LRPPRC: variants seen among roughly 807,000 people sequenced by gnomAD.
LRPPRC encodes leucine rich pentatricopeptide repeat containing.
A neutral mutation model predicts 180.3 loss-of-function variants in LRPPRC; 120 were observed. That is an observed-to-expected ratio of 0.67 (90% CI 0.57 to 0.77). The LOEUF (loss-of-function observed/expected upper bound fraction) is 0.77, where lower values mean the gene tolerates loss of function less well. Among genes scored for constraint, LRPPRC ranks in the 30% least tolerant of loss-of-function variants. The pLI is 0.00. For missense variants in LRPPRC, 2,012 were observed against 1,657.2 expected (o/e 1.21, Z -3.72); for synonymous variants, 723 against 600.0 (o/e 1.21, Z -3.00).
At chr2:43,944,317 G>C (rs1381376523) in intron 22 of LRPPRC, among the ~76,000 whole-genome samples, 1 of 152,034 alleles carries the variant, frequency 6.6e-6, no homozygotes, top group Non-Finnish European at 1.5e-5. Context: ...GTCTGATACC[G>C]ATAGGGCCTG....
chr2:43,984,813 C>A (rs1361061223), intron 1 of LRPPRC, among the ~76,000 whole-genome samples: 1 of 152,092 alleles, frequency 6.6e-6, no homozygotes, highest in Non-Finnish European at 1.5e-5. Flanking sequence ...ATTGATATAA[C>A]CACATAAGGG....
chr2:43,967,392 G>A (rs548588227), intron 11 of LRPPRC, among the ~76,000 whole-genome samples: 7 of 76,676 alleles, frequency 9.1e-5, no homozygotes, highest in African/African-American at 3.3e-4. Context: ...ATAGATGATC[G>A]ATTGATAGAA....
At chr2:43,928,053 AT>A (rs576577244) in intron 25 of LRPPRC, among the ~76,000 whole-genome samples, 1 of 152,218 alleles carries the variant, frequency 6.6e-6, no homozygotes, top group Non-Finnish European at 1.5e-5. Context: ...TTAAACTCAT[AT>A]TTAGTTCTTT....
chr2:43,889,937 C>T, intron 36 of LRPPRC, 61 bp from the exon 37 acceptor site: 1 of 1,239,722 alleles, frequency 8.1e-7, no homozygotes. Context: ...ACTCTTTTCA[C>T]CAAAACAGCC....
intron 30 of LRPPRC, among the ~76,000 whole-genome samples, chr2:43,908,504 A>ATT (rs1671139617): frequency 1.3e-5 from 2 of 152,140 alleles, no homozygotes; most frequent in Non-Finnish European, 2.9e-5. Context: ...CAAAATAAAA[A>ATT]TGATATTTTT....
intron 1 of LRPPRC, among the ~76,000 whole-genome samples, chr2:43,991,518 C>T (rs1674780713): frequency 6.6e-6 from 1 of 152,164 alleles, no homozygotes; most frequent in Non-Finnish European, 1.5e-5. Flanking sequence ...CTTATCTTTC[C>T]TCTGAAGTAT....
intron 27 of LRPPRC, among the ~76,000 whole-genome samples, chr2:43,924,257 G>T (rs369511761): frequency 2.6e-5 from 4 of 152,134 alleles, no homozygotes; most frequent in African/African-American, 9.7e-5. Context: ...TGTTCTAAGT[G>T]TTATTCCTCT....
intron 23 of LRPPRC, among the ~76,000 whole-genome samples, chr2:43,942,354 T>C (rs137905076): frequency 4.3e-4 from 66 of 152,262 alleles, no homozygotes; most frequent in African/African-American, 1.6e-3. Context: ...AAAATTCTAA[T>C]AGGAAGCATA....
intron 31 of LRPPRC, chr2:43,902,400 C>G (rs1314078211): frequency 1.3e-5 from 2 of 152,104 alleles, no homozygotes; most frequent in African/African-American, 4.8e-5. Context: ...AACTTAATAG[C>G]TTTATAGCAA....
chr2:43,990,938 C>G (rs867230669), intron 1 of LRPPRC, among the ~76,000 whole-genome samples: 18 of 151,932 alleles, frequency 1.2e-4, no homozygotes, highest in Middle Eastern at 3.4e-3. Flanking sequence ...CTCCACCTCC[C>G]GGGTTCAAGC....
At position 43,948,112 on chromosome 2, in the gene LRPPRC, TCA is replaced by T; in HGVS notation, c.1920+8_1920+9del. On this transcript the variant is annotated splice_region_variant and intron_variant, in intron 18 of 37. Coordinates refer to ENST00000260665, the MANE Select transcript of LRPPRC (RefSeq NM_133259.4). ...GCATTTTATCCAGTTGATTGCTATT[TCA>T]CACACACCTTAATCAATTCAGGAAC... 4 of 1,535,906 alleles carry T rather than the reference TCA, an allele frequency of 2.6e-6. No individual in the cohort carries two copies. Among genetic ancestry groups the T allele is most frequent in the Non-Finnish European group, 3.6e-6 (4 of 1,109,550 alleles).
intron 1 of LRPPRC, among the ~76,000 whole-genome samples, chr2:43,988,392 C>T (rs931952381): frequency 2.6e-5 from 4 of 152,086 alleles, no homozygotes; most frequent in Non-Finnish European, 5.9e-5. Context: ...CAAACTTAGC[C>T]AGGCATGGTG....
At chr2:43,951,777 G>A (rs2103628809) in intron 14 of LRPPRC, among the ~76,000 whole-genome samples, 2 of 152,328 alleles carry the variant, frequency 1.3e-5, no homozygotes, top group East Asian at 3.9e-4. Flanking sequence ...ACCATGTCCA[G>A]TCTAAATTTT....
At chr2:43,979,992 T>C in intron 2 of LRPPRC, 44 bp from the exon 3 acceptor site, 1 of 1,585,616 alleles carries the variant, frequency 6.3e-7, no homozygotes, top group Non-Finnish European at 8.7e-7. Context: ...ATAGCAGCAA[T>C]ATCACATAGA....
intron 25 of LRPPRC, among the ~76,000 whole-genome samples, chr2:43,928,153 G>A (rs1227459247): frequency 2.0e-5 from 3 of 152,174 alleles, no homozygotes; most frequent in Non-Finnish European, 4.4e-5. Context: ...TTCCACCTGA[G>A]CTACTGTGCT....
At chr2:43,908,459 A>C (rs770753551) in intron 30 of LRPPRC, among the ~76,000 whole-genome samples, 9 of 152,230 alleles carry the variant, frequency 5.9e-5, no homozygotes, top group Non-Finnish European at 1.2e-4. Flanking sequence ...ATTAGAGGTC[A>C]AGTGTATCTG....
intron 23 of LRPPRC, among the ~76,000 whole-genome samples, chr2:43,938,644 T>A (rs919480538): frequency 6.6e-6 from 1 of 152,210 alleles, no homozygotes; most frequent in Non-Finnish European, 1.5e-5. Flanking sequence ...TACCACTCAT[T>A]TGAGTCCTCA....
Position 43,899,589 on chromosome 2 carries a change from C to T in LRPPRC, c.3586G>A (p.Ala1196Thr), listed in dbSNP as rs142097048. The T allele has an allele frequency of 1.1e-4, 182 of 1,609,364 alleles. No homozygotes were observed. Among genetic ancestry groups the T allele is most frequent in the South Asian group, 3.7e-4 (34 of 90,930 alleles). The stretch of plus-strand genomic sequence containing the variant: ...AGCATATTTTCAATGTTTTCTATTG[C>T]GGCATCTATGTTATTACTGTTAAAA... The part of the protein sequence containing the change: ...AQIKNNNIDA[A>T]IENIENMLTS... The change falls in exon 33 of 38, where the codon GCA becomes ACA. Residue 1196 changes from alanine to threonine, a missense_variant. Physicochemically the swap from Ala to Thr is moderately conservative, Grantham distance 58 (BLOSUM62 0). Coordinates refer to ENST00000260665, the MANE Select transcript of LRPPRC (RefSeq NM_133259.4).
intron 25 of LRPPRC, among the ~76,000 whole-genome samples, chr2:43,926,648 T>C (rs1276236584): frequency 6.6e-6 from 1 of 152,224 alleles, no homozygotes; most frequent in Non-Finnish European, 1.5e-5. Context: ...ATTACAGGCA[T>C]GGGCCACCAC....
Sources: allele counts gnomAD v4.1 joint callset (sites outside exome capture counted in the v4.1 genomes callset), GRCh38; gene constraint gnomAD v4.1.1; transcripts MANE v1.5; gene names NCBI Gene and HGNC (gene_info 2026-07-23, HGNC 2026-07-21).